The following POLR2C variants were observed in gnomAD, a reference collection of about 807,000 sequenced individuals.
POLR2C encodes DNA-directed RNA polymerase II subunit RPB3.
A neutral mutation model predicts 41.7 loss-of-function variants in POLR2C; 36 were observed. The ratio of observed to expected loss-of-function variants is 0.86; its 90% confidence interval spans 0.66 to 1.14. The LOEUF is 1.14. POLR2C is among the 50% of genes most tolerant of loss of function. The probability of loss-of-function intolerance (pLI) is 0.00; values close to 1 mark genes in which losing one functional copy is unlikely to be tolerated. For missense variants in POLR2C, 260 were observed against 350.4 expected (o/e 0.74, Z 2.06); for synonymous variants, 133 against 137.8 (o/e 0.96, Z 0.25).
intron 2 of POLR2C, 77 bp downstream of exon 2, chr16:57,463,155 C>CT: frequency 8.7e-7 from 1 of 1,146,168 alleles, no homozygotes; most frequent in Non-Finnish European, 1.3e-6. Flanking sequence ...TTTGGGGCTC[C>CT]TTCCAGTCCT....
Position 57,471,135 on chromosome 16 carries a change from T to G in POLR2C, c.*16T>G. On this transcript the variant is annotated 3_prime_UTR_variant, in exon 9 of 9. Transcript: ENST00000219252. The stretch of plus-strand genomic sequence containing the variant: ...CATAAATTAACTGCAGCTTGCCTGC[T>G]TCAGCAAAAACGGAGATTCAGGCCA... The G allele has an allele frequency of 6.2e-7, 1 of 1,611,796 alleles. No homozygotes were observed. Among genetic ancestry groups the G allele is most frequent in the Non-Finnish European group, 8.5e-7 (1 of 1,178,002 alleles).
In POLR2C at chr16:57,470,297, C is replaced by T. The variant is rs1815933719; in HGVS notation, c.626C>T (p.Ser209Leu). ...GACCTCAGGCCAAAGAGTGAGTACT[C>T]GGAGCTGGATGAGGATGAGTCGCAG... ...KPEEWPKSEY[S>L]ELDEDESQAP... is the part of the protein sequence containing the mutation. The change falls in exon 8 of 9, where the codon TCG becomes TTG. Residue 209 changes from serine to leucine, a missense_variant. Physicochemically the swap from Ser to Leu is moderately radical, Grantham distance 145. Transcript: ENST00000219252. 1.2e-6 allele frequency: 2 copies of T among 1,613,144 alleles called. No homozygotes were observed. The highest frequency in any genetic ancestry group is 1.7e-6 in the Non-Finnish European group (2 of 1,179,624).
chr16:57,468,485 A>G (rs1287008409), intron 4 of POLR2C, among the ~76,000 whole-genome samples: 1 of 152,238 alleles, frequency 6.6e-6, no homozygotes, highest in East Asian at 1.9e-4. Context: ...GAGGGAGAGA[A>G]CAGCTTGCTT....
At chr16:57,467,954 A>C (rs1169561548) in intron 4 of POLR2C, among the ~76,000 whole-genome samples, 3 of 152,008 alleles carry the variant, frequency 2.0e-5, no homozygotes, top group African/African-American at 7.3e-5. Flanking sequence ...TTTTAGGTTA[A>C]ATACCTTTTC....
At chr16:57,465,332 T>G (rs1174569189) in intron 2 of POLR2C, among the ~76,000 whole-genome samples, 1 of 152,214 alleles carries the variant, frequency 6.6e-6, no homozygotes, top group Non-Finnish European at 1.5e-5. Flanking sequence ...GTTGGTTCCA[T>G]GCAAATGTTT....
At position 57,463,098 on chromosome 16, in the gene POLR2C, C is replaced by T. The variant is rs72788046; in HGVS notation, c.136+20C>T. On this transcript the variant is annotated intron_variant, in intron 2 of 8. Transcript: ENST00000219252. Reference sequence around the variant, plus strand: ...TAATAGGTAAGCGACTCCCCTTCCTCGTTCCCGCGCCCACGGGTTCCTGCC... The same window carrying T: ...TAATAGGTAAGCGACTCCCCTTCCTTGTTCCCGCGCCCACGGGTTCCTGCC... 36,557 of 1,597,364 alleles carry T rather than the reference C, an allele frequency of 0.023. 492 individuals are homozygous for T. Among genetic ancestry groups the T allele is most frequent in the South Asian group, 0.029 (2,672 of 90,694 alleles).
intron 3 of POLR2C, 33 bp downstream of exon 3, chr16:57,466,054 AG>A (rs1406033511): frequency 6.8e-7 from 1 of 1,473,374 alleles, no homozygotes; most frequent in Admixed American, 1.7e-5. Flanking sequence ...GGTTAAAGGG[AG>A]GGTATTGTGC....
Position 57,462,821 on chromosome 16 carries a change from C to A in POLR2C, c.86+11C>A. On this transcript the variant is annotated intron_variant, in intron 1 of 8. Coordinates refer to ENST00000219252, the MANE Select transcript of POLR2C (RefSeq NM_032940.3). ...GAACACCGACCTGGCGTAAGGCTAC[C>A]GAGGGAAGAGGCTGGCGGCTCTGGG... 6.3e-7 allele frequency: 1 copy of A among 1,579,750 alleles called. No homozygotes were observed. Among genetic ancestry groups the A allele is most frequent in the South Asian group, 1.1e-5 (1 of 89,182 alleles).
intron 4 of POLR2C, among the ~76,000 whole-genome samples, chr16:57,467,050 G>A (rs924091105): frequency 7.2e-5 from 11 of 152,250 alleles, no homozygotes; most frequent in African/African-American, 2.2e-4. Context: ...TGGCTGACAC[G>A]GTGAAACCCT....
At position 57,462,990 on chromosome 16, in the gene POLR2C, C is replaced by T. The variant is rs201830100; in HGVS notation, c.87-39C>T. ...GCGGCGCGGGCCCAGCCTGTCGAGG[C>T]TGCAGCGCCTTCACGCCCCTTGGCT... On this transcript the variant is annotated intron_variant, in intron 1 of 8. Coordinates refer to ENST00000219252, the MANE Select transcript of POLR2C (RefSeq NM_032940.3). 44 of 1,588,564 alleles carry T rather than the reference C, an allele frequency of 2.8e-5. 1 individual carries two copies. The African/African-American group carries it at 2.8e-4, about 10-fold the overall frequency.
chr16:57,467,666 G>T (rs1158098879), intron 4 of POLR2C, among the ~76,000 whole-genome samples: 2 of 152,178 alleles, frequency 1.3e-5, no homozygotes, highest in African/African-American at 2.4e-5. Flanking sequence ...TTGCTGAACT[G>T]TGTGAAAGTT....
Position 57,466,799 on chromosome 16 carries a change from A to G in POLR2C, c.258+572A>G, listed in dbSNP as rs369567289. On this transcript the variant is annotated intron_variant, in intron 4 of 8. Coordinates refer to ENST00000219252, the MANE Select transcript of POLR2C (RefSeq NM_032940.3). ...TACCTTCATCCTTTCACTAGGCTGC[A>G]TTACACAGCAGCTTAAGGCTACTCC... is the stretch of plus-strand genomic sequence containing the variant. 1.3e-4 allele frequency among the ~76,000 whole-genome samples: 20 copies of G among 152,302 alleles called. No homozygotes were observed. The East Asian group carries it at 2.1e-3, about 16-fold the overall frequency.
At chr16:57,463,940 A>C (rs1475740635) in intron 2 of POLR2C, 7 of 164,520 alleles carry the variant, frequency 4.3e-5, no homozygotes, top group Non-Finnish European at 8.0e-5. Flanking sequence ...ACTCCTTCTC[A>C]AACAAAAGAA....
Position 57,471,565 on chromosome 16 carries a change from A to G in POLR2C, c.*446A>G, listed in dbSNP as rs1395124376. 1 of 155,808 alleles carries G rather than the reference A, an allele frequency of 6.4e-6. No individual in the cohort carries two copies. The highest frequency in any genetic ancestry group is 2.4e-5 in the African/African-American group (1 of 41,540). 9.7% of individuals were successfully genotyped at this position (155,808 alleles called of 1,614,324 possible). On this transcript the variant is annotated 3_prime_UTR_variant, in exon 9 of 9. Coordinates refer to ENST00000219252, the MANE Select transcript of POLR2C (RefSeq NM_032940.3). ...TATAAACCCTTCCAGTTCTTGCCCC[A>G]GGGCTGGCCTGCTAGCGCTTCAAAT... is the stretch of plus-strand genomic sequence containing the variant.
intron 2 of POLR2C, among the ~76,000 whole-genome samples, chr16:57,464,948 C>T (rs1381388214): frequency 6.6e-6 from 1 of 152,132 alleles, no homozygotes; most frequent in South Asian, 2.1e-4. Context: ...AAATATGACA[C>T]AAGGCACACT....
In POLR2C at chr16:57,471,854, C is replaced by T. The variant is rs1243003121; in HGVS notation, c.*735C>T. ...GAAGGCTCTGGCCCTAACCCCTCAG[C>T]ACTGTCTCCAGATAGGAACATGCAC... On this transcript the variant is annotated 3_prime_UTR_variant, in exon 9 of 9. Transcript: ENST00000219252. The T allele has an allele frequency of 6.6e-6, 1 of 152,458 alleles. No individual in the cohort carries two copies. Among genetic ancestry groups the T allele is most frequent in the Non-Finnish European group, 1.5e-5 (1 of 68,064 alleles). The allele number at this position is 152,458 out of a possible 1,614,324, so 9.4% of individuals were successfully genotyped here. A position where few individuals can be genotyped will look rare whatever the true frequency, so the allele number is the denominator to read the frequency against.
At chr16:57,467,568 A>T (rs1251404967) in intron 4 of POLR2C, among the ~76,000 whole-genome samples, 12 of 152,364 alleles carry the variant, frequency 7.9e-5, no homozygotes, top group African/African-American at 2.9e-4. Flanking sequence ...AAAAGTTGAA[A>T]AACTAAAATA....
chr16:57,464,010 C>T (rs1160433174), intron 2 of POLR2C: 1 of 161,006 alleles, frequency 6.2e-6, no homozygotes, highest in African/African-American at 2.4e-5. Context: ...GACATGATTT[C>T]GTTCGTTCTT....
At chr16:57,463,763 G>A in intron 2 of POLR2C, 1 of 376,256 alleles carries the variant, frequency 2.7e-6, no homozygotes. Flanking sequence ...GCCAACATGG[G>A]GAAAGCCCGC....
Sources: gnomAD v4.1 joint callset for allele counts (sites outside exome capture counted in the v4.1 genomes callset) on GRCh38, gnomAD v4.1.1 for gene constraint, MANE v1.5 for transcripts, NCBI Gene and HGNC (gene_info 2026-07-23, HGNC 2026-07-21) for gene names.